Variants in NAV3 observed in about 807,000 individuals in gnomAD.
NAV3 encodes neuron navigator 3, also known as pore membrane and/or filament interacting like protein 1.
NAV3 carries 87 observed loss-of-function variants against 244.7 expected under a neutral mutation model. The observed-to-expected ratio is 0.36, with a 90% CI of 0.30 to 0.42. NAV3 has a LOEUF of 0.42. Ranked by LOEUF, NAV3 falls within the 20% of genes least tolerant of loss-of-function variation. NAV3 has a pLI of 1.00. For missense variants in NAV3, 2,663 were observed against 2,893.3 expected, an observed-to-expected ratio of 0.92 and a Z score of 1.83; for synonymous variants, 1,126 against 1,042.2, an observed-to-expected ratio of 1.08 and a Z score of -1.55.
chr12:77,686,161 C>T (rs1874733383), intron 2 of NAV3, among the ~76,000 whole-genome samples: 1 of 152,142 alleles, frequency 6.6e-6, no homozygotes. Context: ...TTTGCAATCT[C>T]AGTTCACTGC....
At chr12:78,020,949 C>T (rs1877048572) in intron 8 of NAV3, among the ~76,000 whole-genome samples, 1 of 152,052 alleles carries the variant, frequency 6.6e-6, no homozygotes, top group African/African-American at 2.4e-5. Flanking sequence ...GTAGTTCATG[C>T]CGTGAACATT....
chr12:77,901,935 G>A (rs1885348816), intron 1 of NAV3, among the ~76,000 whole-genome samples: 1 of 152,122 alleles, frequency 6.6e-6, no homozygotes, highest in South Asian at 2.1e-4. Context: ...ACCTTTGGAT[G>A]TAACAATAGT....
At chr12:77,948,978 G>A (rs1162196512) in intron 3 of NAV3, among the ~76,000 whole-genome samples, 1 of 151,874 alleles carries the variant, frequency 6.6e-6, no homozygotes, top group East Asian at 1.9e-4. Context: ...TTGAAATGTA[G>A]TAGATATGCC....
intron 1 of NAV3, among the ~76,000 whole-genome samples, 176 bp downstream of exon 1, chr12:77,831,880 G>T (rs1010773906): frequency 6.6e-6 from 1 of 152,136 alleles, no homozygotes; most frequent in African/African-American, 2.4e-5. Context: ...TGTATTCTTA[G>T]TTTAGAGTTG....
intron 12 of NAV3, among the ~76,000 whole-genome samples, chr12:78,088,576 A>T (rs893520814): frequency 6.6e-6 from 1 of 152,128 alleles, no homozygotes; most frequent in Middle Eastern, 3.2e-3. Context: ...TCTTCATTCT[A>T]CTTGTTTCTT....
At chr12:77,617,488 A>C (rs1170405900) in intron 2 of NAV3, among the ~76,000 whole-genome samples, 1 of 152,194 alleles carries the variant, frequency 6.6e-6, no homozygotes, top group Non-Finnish European at 1.5e-5. Context: ...ATATGATAAA[A>C]AACTGAGACT....
chr12:77,777,453 C>G (rs1248073091), intron 2 of NAV3, among the ~76,000 whole-genome samples: 2 of 152,136 alleles, frequency 1.3e-5, no homozygotes, highest in African/African-American at 4.8e-5. Context: ...TGTATAGCAT[C>G]TACAGTGTGG....
intron 2 of NAV3, among the ~76,000 whole-genome samples, chr12:77,582,947 G>C (rs1263947040): frequency 6.6e-6 from 1 of 152,176 alleles, no homozygotes; most frequent in African/African-American, 2.4e-5. Context: ...CACTTGATTT[G>C]TCTGACACAC....
intron 9 of NAV3, among the ~76,000 whole-genome samples, chr12:78,024,856 T>A (rs539885666): frequency 7.2e-5 from 11 of 151,818 alleles, no homozygotes; most frequent in Admixed American, 3.9e-4. Flanking sequence ...GCGCCTGTAG[T>A]CCCAGCTACT....
At chr12:77,613,283 C>A (rs1462643634) in intron 2 of NAV3, among the ~76,000 whole-genome samples, 1 of 152,092 alleles carries the variant, frequency 6.6e-6, no homozygotes, top group Non-Finnish European at 1.5e-5. Context: ...CAAATGTGTT[C>A]TTTTTTTAAA....
intron 1 of NAV3, among the ~76,000 whole-genome samples, chr12:77,937,976 T>G (rs899473442): frequency 2.0e-5 from 3 of 152,192 alleles, no homozygotes; most frequent in Admixed American, 6.5e-5. Flanking sequence ...AACAAGACTT[T>G]TTTTTACAAG....
chr12:77,994,725 G>A (rs1402186152), intron 5 of NAV3, 78 bp from the exon 6 acceptor site: 3 of 1,123,074 alleles, frequency 2.7e-6, no homozygotes, highest in African/African-American at 3.1e-5. Context: ...TTAATTCATA[G>A]TTTTCTTGTA....
At chr12:78,113,589 T>C (rs1955215239) in intron 12 of NAV3, among the ~76,000 whole-genome samples, 1 of 152,148 alleles carries the variant, frequency 6.6e-6, no homozygotes, top group Admixed American at 6.5e-5. Context: ...CTGGAGCAGC[T>C]GGGTTGCAGG....
intron 33 of NAV3, 82 bp from the exon 34 acceptor site, chr12:78,189,902 G>A (rs554337701): frequency 2.0e-6 from 2 of 992,462 alleles, no homozygotes; most frequent in Admixed American, 2.0e-5. Flanking sequence ...GACTAACAAT[G>A]CTGTTGCTGT....
intron 2 of NAV3, among the ~76,000 whole-genome samples, chr12:77,595,651 T>G (rs946517109): frequency 2.0e-5 from 3 of 152,142 alleles, no homozygotes; most frequent in African/African-American, 7.2e-5. Context: ...GCCCTAAATA[T>G]ATATAATTTT....
intron 2 of NAV3, among the ~76,000 whole-genome samples, chr12:77,756,449 T>C (rs576427618): frequency 5.9e-4 from 90 of 152,252 alleles, no homozygotes; most frequent in Non-Finnish European, 7.5e-4. Context: ...ATTGTGAACA[T>C]AGGAATGAAG....
At chr12:78,067,318 A>G (rs1885134021) in intron 12 of NAV3, among the ~76,000 whole-genome samples, 2 of 152,106 alleles carry the variant, frequency 1.3e-5, no homozygotes, top group African/African-American at 4.8e-5. Flanking sequence ...CAAAGTAAAT[A>G]TAATTACTTC....
At chr12:77,697,523 C>A (rs1173623827) in intron 2 of NAV3, among the ~76,000 whole-genome samples, 2 of 152,132 alleles carry the variant, frequency 1.3e-5, no homozygotes, top group East Asian at 3.8e-4. Context: ...TTGCCCCAAT[C>A]TTTATTTCTC....
intron 2 of NAV3, among the ~76,000 whole-genome samples, chr12:77,766,801 T>C (rs1869796339): frequency 7.1e-6 from 1 of 141,388 alleles, no homozygotes; most frequent in African/African-American, 2.6e-5. Context: ...TCACCCAGGC[T>C]GGAGTATAGT....
Sources: gnomAD v4.1 joint callset for allele counts (sites outside exome capture counted in the v4.1 genomes callset) on GRCh38, gnomAD v4.1.1 for gene constraint, MANE v1.5 for transcripts, NCBI Gene and HGNC (gene_info 2026-07-23, HGNC 2026-07-21) for gene names.